SUGCT: variants seen among roughly 807,000 people sequenced by gnomAD.
SUGCT encodes the protein succinyl-CoA:glutarate-CoA transferase, also known as succinyl-CoA:glutarate CoA-transferase.
Under a neutral mutation model 55.0 loss-of-function variants are expected in SUGCT, and 41 were observed. The ratio of observed to expected loss-of-function variants is 0.74; its 90% CI spans 0.58 to 0.97. The LOEUF is 0.97. Among genes scored for constraint, SUGCT ranks in the 50% least tolerant of loss-of-function variants. The pLI, the probability that SUGCT is intolerant of heterozygous loss-of-function variation, is 0.00. For synonymous variants in SUGCT, 187 were observed against 200.4 expected, an observed-to-expected ratio of 0.93 and a Z score of 0.56; for missense variants, 568 against 547.8, an observed-to-expected ratio of 1.04 and a Z score of -0.37.
chr7:40,399,783 G>T (rs1371073062), intron 9 of SUGCT, among the ~76,000 whole-genome samples: 1 of 152,210 alleles, frequency 6.6e-6, no homozygotes, highest in Non-Finnish European at 1.5e-5. Context: ...ATGCTGAACA[G>T]AAAGGGTAAG....
intron 9 of SUGCT, among the ~76,000 whole-genome samples, chr7:40,439,063 T>A: frequency 7.1e-5 from 1 of 14,152 alleles, no homozygotes; most frequent in Middle Eastern, 0.033. Context: ...ATATATATGG[T>A]GTATATATAT....
At chr7:40,613,530 G>A (rs1404484822) in intron 12 of SUGCT, among the ~76,000 whole-genome samples, 1 of 152,046 alleles carries the variant, frequency 6.6e-6, no homozygotes, top group African/African-American at 2.4e-5. Context: ...CTTTTATTCT[G>A]GAAAGATGAG....
chr7:40,883,786 A>T, the SUGCT span, among the ~76,000 whole-genome samples: 1 of 152,204 alleles, frequency 6.6e-6, no homozygotes, highest in East Asian at 1.9e-4. Context: ...AAGTATAAGC[A>T]GTGGATTGAT....
chr7:40,862,126 C>A (rs1046697009), downstream of SUGCT, among the ~76,000 whole-genome samples: 2 of 152,168 alleles, frequency 1.3e-5, no homozygotes, highest in Admixed American at 1.3e-4. Context: ...TGGGCAGACC[C>A]TAAATATCTG....
the SUGCT span, among the ~76,000 whole-genome samples, chr7:40,947,083 C>T: frequency 2.5e-4 from 38 of 152,170 alleles, 1 homozygote; most frequent in African/African-American, 7.7e-4. Flanking sequence ...CTGAGACTTA[C>T]GTTATACATA....
chr7:40,829,744 A>G (rs907010694), intron 13 of SUGCT, among the ~76,000 whole-genome samples: 1 of 152,024 alleles, frequency 6.6e-6, no homozygotes, highest in Non-Finnish European at 1.5e-5. Context: ...TACTCCACAG[A>G]TGACCATGTC....
At chr7:40,986,258 CAT>C in the SUGCT span, among the ~76,000 whole-genome samples, 1 of 152,188 alleles carries the variant, frequency 6.6e-6, no homozygotes, top group Non-Finnish European at 1.5e-5. Flanking sequence ...AAACATGTAT[CAT>C]GTGTCATTGA....
chr7:40,197,615 C>G (rs1031420509), intron 6 of SUGCT, among the ~76,000 whole-genome samples: 1 of 152,144 alleles, frequency 6.6e-6, no homozygotes, highest in East Asian at 1.9e-4. Context: ...TGCAAGAGAA[C>G]AAGCCCATTT....
the SUGCT span, among the ~76,000 whole-genome samples, chr7:40,988,399 T>TA: frequency 6.6e-6 from 1 of 151,610 alleles, no homozygotes; most frequent in East Asian, 1.9e-4. Flanking sequence ...ATTCTCCTTC[T>TA]AATGCTACCA....
At chr7:40,485,886 C>T (rs1791315074) in intron 11 of SUGCT, among the ~76,000 whole-genome samples, 1 of 152,066 alleles carries the variant, frequency 6.6e-6, no homozygotes, top group South Asian at 2.1e-4. Context: ...CTGGGATAAT[C>T]GTTTTAATAT....
intron 9 of SUGCT, among the ~76,000 whole-genome samples, chr7:40,339,070 T>A (rs1249817182): frequency 6.6e-6 from 1 of 152,220 alleles, no homozygotes; most frequent in East Asian, 1.9e-4. Context: ...TGAACATTGC[T>A]GAACAGCAAA....
chr7:40,781,928 G>A (rs1252249714), intron 13 of SUGCT, among the ~76,000 whole-genome samples: 2 of 151,914 alleles, frequency 1.3e-5, no homozygotes. Context: ...GATAGTATGA[G>A]ACGTAAGCCT....
intron 8 of SUGCT, among the ~76,000 whole-genome samples, chr7:40,292,337 T>C (rs181210356): frequency 7.2e-5 from 11 of 152,324 alleles, no homozygotes; most frequent in African/African-American, 2.4e-4. Context: ...CTGTATTTTT[T>C]AAAGTTCCAG....
At chr7:40,658,185 A>T (rs930158676) in intron 12 of SUGCT, among the ~76,000 whole-genome samples, 1 of 152,150 alleles carries the variant, frequency 6.6e-6, no homozygotes, top group African/African-American at 2.4e-5. Context: ...GTTGGCATTT[A>T]TGTTGTTAAT....
intron 9 of SUGCT, among the ~76,000 whole-genome samples, chr7:40,352,155 G>T (rs763420452): frequency 6.6e-6 from 1 of 152,242 alleles, no homozygotes; most frequent in South Asian, 2.1e-4. Context: ...TTTTTCAAAA[G>T]AATTTTTTGT....
chr7:40,951,958 T>G, the SUGCT span, among the ~76,000 whole-genome samples: 3 of 152,134 alleles, frequency 2.0e-5, no homozygotes, highest in South Asian at 6.2e-4. Context: ...TTCTGTAGAT[T>G]TCTTTTAGGT....
At chr7:40,579,122 ACTT>A (rs1234409089) in intron 12 of SUGCT, among the ~76,000 whole-genome samples, 2 of 151,824 alleles carry the variant, frequency 1.3e-5, no homozygotes, top group Non-Finnish European at 2.9e-5. Context: ...CTAGTGGACT[ACTT>A]CTTTTTTTTT....
intron 9 of SUGCT, among the ~76,000 whole-genome samples, chr7:40,382,082 C>T (rs112533107): frequency 1.3e-4 from 19 of 151,692 alleles, no homozygotes; most frequent in Non-Finnish European, 2.1e-4. Flanking sequence ...TACTAAACAG[C>T]GCTGTTTTTA....
At chr7:40,408,305 C>G (rs944799448) in intron 9 of SUGCT, among the ~76,000 whole-genome samples, 2 of 152,006 alleles carry the variant, frequency 1.3e-5, no homozygotes, top group African/African-American at 4.8e-5. Flanking sequence ...TTTAGGAAAC[C>G]TAGTCCTTAT....
Sources: gnomAD v4.1 joint callset for allele counts (sites outside exome capture counted in the v4.1 genomes callset) on GRCh38, gnomAD v4.1.1 for gene constraint, MANE v1.5 for transcripts, NCBI Gene and HGNC (gene_info 2026-07-23, HGNC 2026-07-21) for gene names.